Variants in LRIG3 observed in about 807,000 individuals in gnomAD.
LRIG3 encodes leucine-rich repeats and immunoglobulin-like domains protein 3.
LRIG3 carries 76 observed loss-of-function variants against 114.5 expected under a neutral mutation model. That is an observed-to-expected ratio of 0.66 (90% confidence interval 0.55 to 0.80). The LOEUF (loss-of-function observed/expected upper bound fraction) is 0.80. Among genes scored for constraint, LRIG3 ranks in the 30% least tolerant of loss-of-function variants. LRIG3 has a pLI of 0.00. For synonymous variants in LRIG3, 512 were observed against 519.8 expected, an observed-to-expected ratio of 0.98 and a Z score of 0.20; for missense variants, 1,239 against 1,382.8, an observed-to-expected ratio of 0.90 and a Z score of 1.65.
At position 58,880,919 on chromosome 12, in the gene LRIG3, G is replaced by A; in HGVS notation, c.1481-18C>T. 6.2e-7 allele frequency: 1 copy of A among 1,603,040 alleles called. No homozygotes were observed. Among genetic ancestry groups the A allele is most frequent in the Non-Finnish European group, 8.5e-7 (1 of 1,172,268 alleles). On this transcript the variant is annotated intron_variant, in intron 12 of 18. Coordinates refer to ENST00000320743, the MANE Select transcript of LRIG3 (RefSeq NM_153377.5). ...AAAATCATCTGTTAAAAATGGAGAG[G>A]AGGAGACAAAACAATGTTAAGGCTC...
At position 58,879,045 on chromosome 12, in the gene LRIG3, C is replaced by G. The variant is rs750955425; in HGVS notation, c.1862G>C (p.Arg621Pro). The change falls in exon 14 of 19, where the codon CGC becomes CCC. Residue 621 changes from arginine (R) to proline (P), a missense_variant. Arg to Pro is a moderately radical substitution (Grantham distance 103). Transcript: ENST00000320743. ...DLTIRAGAMA[R>P]LECAAVGHPA... ...GTGCCCCACAGCAGCACACTCCAAG[C>G]GTGCCATGGCCCCAGCTCGGATGGT... 1.2e-6 allele frequency: 2 copies of G among 1,614,124 alleles called. No homozygotes were observed. The highest frequency in any genetic ancestry group is 8.5e-7 in the Non-Finnish European group (1 of 1,180,008).
chr12:58,899,580 A>G (rs1393315990), intron 3 of LRIG3, among the ~76,000 whole-genome samples: 1 of 151,874 alleles, frequency 6.6e-6, no homozygotes, highest in African/African-American at 2.4e-5. Context: ...TTTTGTGGAC[A>G]TAGTACCCTT....
rs1313595218 is a variant in LRIG3 at position 58,877,471 on chromosome 12, G to A, written c.2465C>T (p.Thr822Met). 4 of 1,614,088 alleles carry A rather than the reference G, an allele frequency of 2.5e-6. No homozygotes were observed. Among genetic ancestry groups the A allele is most frequent in the Non-Finnish European group, 3.4e-6 (4 of 1,180,020 alleles). Residue 822 changes from threonine to methionine, a missense_variant, in exon 15 of 19, where the codon ACG (threonine) becomes ATG (methionine). Coordinates refer to ENST00000320743, the MANE Select transcript of LRIG3 (RefSeq NM_153377.5). The stretch of plus-strand genomic sequence containing the variant: ...TATGATGACCACCCACACGAGTGAC[G>A]TGCCCACCACACAGCAAACCACGGC... The part of the protein sequence containing the change: ...IIAVVCCVVG[T>M]SLVWVVIIYH...
In LRIG3 at chr12:58,885,865, T is replaced by C; in HGVS notation, c.1210A>G (p.Lys404Glu). 6.3e-7 allele frequency: 1 copy of C among 1,591,876 alleles called. No homozygotes were observed. The highest frequency in any genetic ancestry group is 1.1e-5 in the South Asian group (1 of 89,456). Residue 404 changes from lysine (K) to glutamate (E), a missense_variant, in exon 10 of 19, where the codon AAA becomes GAA. Transcript: ENST00000320743. Reference sequence around the variant, plus strand: ...AATGCATCCAAACCAGTGAAGGCTTTTTTAGTAATAGAACGGATCCGATTT... The same window carrying C: ...AATGCATCCAAACCAGTGAAGGCTTCTTTAGTAATAGAACGGATCCGATTT... Reference protein sequence around the residue: ...QGNRIRSITKKAFTGLDALEH... With the variant: ...QGNRIRSITKEAFTGLDALEH...
chr12:58,884,093 G>A (rs1871199029), intron 10 of LRIG3, among the ~76,000 whole-genome samples: 2 of 152,162 alleles, frequency 1.3e-5, no homozygotes, highest in South Asian at 4.1e-4. Flanking sequence ...GCACGAAAGG[G>A]GAAGGTAAGG....
In LRIG3 at chr12:58,883,507, A is replaced by T; in HGVS notation, c.1316+13T>A. 1 of 1,526,876 alleles carries T rather than the reference A, an allele frequency of 6.5e-7. No homozygotes were observed. The highest frequency in any genetic ancestry group is 8.9e-7 in the Non-Finnish European group (1 of 1,120,058). 94.6% of individuals were successfully genotyped at this position (1,526,876 alleles called of 1,614,324 possible). ...TATACTTTCAGACTCCTAGAAGGAA[A>T]AGAAAAGCTTACAATTGTTGCAGTT... On this transcript the variant is annotated intron_variant, in intron 11 of 18. Transcript: ENST00000320743.
chr12:58,880,984 G>A (rs1455291936), intron 12 of LRIG3, 83 bp from the exon 13 acceptor site: 5 of 1,325,908 alleles, frequency 3.8e-6, no homozygotes, highest in Admixed American at 4.0e-5. Context: ...ACCAAGAAAT[G>A]CAAAAACAGT....
At chr12:58,875,603 G>A (rs1277468143) in intron 16 of LRIG3, among the ~76,000 whole-genome samples, 1 of 152,186 alleles carries the variant, frequency 6.6e-6, no homozygotes, top group Non-Finnish European at 1.5e-5. Flanking sequence ...ATTTGCACAA[G>A]TACCTCACCA....
At chr12:58,906,264 A>G (rs1872061151) in intron 3 of LRIG3, among the ~76,000 whole-genome samples, 1 of 152,212 alleles carries the variant, frequency 6.6e-6, no homozygotes, top group Non-Finnish European at 1.5e-5. Context: ...CTGAGTTATA[A>G]AAGTTCCCTT....
intron 1 of LRIG3, chr12:58,914,638 C>T (rs905864857): frequency 2.4e-5 from 7 of 293,054 alleles, no homozygotes; most frequent in African/African-American, 1.3e-4. Context: ...ACCCTCCCAT[C>T]TCCCCACTCC....
chr12:58,888,742 C>T, intron 6 of LRIG3, 77 bp downstream of exon 6: 1 of 1,526,292 alleles, frequency 6.6e-7, no homozygotes, highest in East Asian at 2.3e-5. Flanking sequence ...TAGGATTTCA[C>T]ATAAGACCTG....
At position 58,887,845 on chromosome 12, in the gene LRIG3, G is replaced by T. The variant is rs760694644; in HGVS notation, c.1035C>A (p.Asn345Lys). The change falls in exon 8 of 19, where the codon AAC becomes AAA. Residue 345 changes from asparagine (N) to lysine (K), a missense_variant. Physicochemically the swap from Asn to Lys is moderately conservative, Grantham distance 94. Transcript: ENST00000320743. ...CACAATCAGCAATGTAGCTGACTCTGTTGTTCCCAATGTGCAGTGTATTTA... is the reference window on the plus strand; with the variant it reads ...CACAATCAGCAATGTAGCTGACTCTTTTGTTCCCAATGTGCAGTGTATTTA... ...SLLNTLHIGN[N>K]RVSYIADCAF... 1 of 1,613,860 alleles carries T rather than the reference G, an allele frequency of 6.2e-7. No individual in the cohort carries two copies. The highest frequency in any genetic ancestry group is 1.1e-5 in the South Asian group (1 of 91,058).
intron 5 of LRIG3, among the ~76,000 whole-genome samples, 186 bp downstream of exon 5, chr12:58,889,810 C>A (rs1281452615): frequency 6.6e-6 from 1 of 152,038 alleles, no homozygotes; most frequent in Non-Finnish European, 1.5e-5. Context: ...CAGCAGCTGG[C>A]ACGAGGTGAC....
intron 3 of LRIG3, among the ~76,000 whole-genome samples, chr12:58,891,183 A>G (rs1161102070): frequency 6.6e-6 from 1 of 152,080 alleles, no homozygotes; most frequent in African/African-American, 2.4e-5. Flanking sequence ...TGGCACACTC[A>G]TAACTCACTG....
intron 3 of LRIG3, among the ~76,000 whole-genome samples, chr12:58,912,723 G>T (rs1273521663): frequency 6.6e-6 from 1 of 152,158 alleles, no homozygotes; most frequent in Non-Finnish European, 1.5e-5. Flanking sequence ...AGGACAGCAA[G>T]AGCAAAGTGG....
intron 3 of LRIG3, among the ~76,000 whole-genome samples, chr12:58,894,810 G>C (rs1431413347): frequency 6.6e-6 from 1 of 152,164 alleles, no homozygotes; most frequent in African/African-American, 2.4e-5. Flanking sequence ...ATACTGGAAG[G>C]TGTTTCAGTC....
intron 1 of LRIG3, among the ~76,000 whole-genome samples, chr12:58,916,850 A>C (rs1872498461): frequency 6.6e-6 from 1 of 152,196 alleles, no homozygotes; most frequent in African/African-American, 2.4e-5. Flanking sequence ...AATTTGCAAC[A>C]TTTGGTTCAA....
chr12:58,902,016 A>G (rs1008003307), intron 3 of LRIG3, among the ~76,000 whole-genome samples: 1 of 152,224 alleles, frequency 6.6e-6, no homozygotes, highest in Non-Finnish European at 1.5e-5. Flanking sequence ...GTTATATAAT[A>G]TAATATAGCA....
intron 16 of LRIG3, among the ~76,000 whole-genome samples, chr12:58,875,143 T>G (rs1051512940): frequency 1.3e-5 from 2 of 152,176 alleles, no homozygotes; most frequent in Admixed American, 1.3e-4. Context: ...ATGCAGAACG[T>G]GACACAGTAA....
Sources: gnomAD v4.1 joint callset for allele counts (sites outside exome capture counted in the v4.1 genomes callset) on GRCh38, gnomAD v4.1.1 for gene constraint, MANE v1.5 for transcripts, NCBI Gene and HGNC (gene_info 2026-07-23, HGNC 2026-07-21) for gene names.